ZNF136: variants seen among roughly 807,000 people sequenced by gnomAD.
ZNF136 encodes the protein zinc finger protein 136 (clone pHZ-20).
A neutral mutation model predicts 11.4 loss-of-function variants in ZNF136; 8 were observed. That is an observed-to-expected ratio of 0.70 (90% CI 0.41 to 1.27). The LOEUF (loss-of-function observed/expected upper bound fraction) is 1.27. Ranked by LOEUF, ZNF136 falls within the 50% of genes most tolerant of loss-of-function variation. ZNF136 has a pLI of 0.01. For missense variants in ZNF136, 590 were observed against 656.5 expected, an observed-to-expected ratio of 0.90 and a Z score of 1.11; for synonymous variants, 190 against 207.1, an observed-to-expected ratio of 0.92 and a Z score of 0.71.
At chr19:12,171,458 C>T (rs1220325222) in intron 1 of ZNF136, among the ~76,000 whole-genome samples, 3 of 152,166 alleles carry the variant, frequency 2.0e-5, no homozygotes, top group Non-Finnish European at 4.4e-5. Flanking sequence ...TTGCTTTTTA[C>T]ACTAGGATTG....
intron 1 of ZNF136, among the ~76,000 whole-genome samples, chr19:12,167,921 T>C (rs166601): frequency 0.24 from 36,143 of 152,012 alleles, 6,433 homozygotes; most frequent in African/African-American, 0.5. Context: ...ATCACTGCCT[T>C]GTTAACCACT....
chr19:12,187,926 T>C lies in ZNF136; in HGVS notation c.1548T>C (p.Arg516=). 6.4e-7 allele frequency: 1 copy of C among 1,572,650 alleles called. No individual in the cohort carries two copies. Among genetic ancestry groups the C allele is most frequent in the South Asian group, 1.2e-5 (1 of 82,980 alleles). ...CKECGKAYSC[R]ASFQRHMLTH... is the part of the protein sequence containing the mutation. The stretch of plus-strand genomic sequence containing the variant: ...AATGTGGGAAAGCCTATTCTTGCCG[T>C]GCCAGCTTTCAGAGACACATGTTAA... The change falls in exon 4 of 4, where the codon CGT becomes CGC. Residue 516 remains arginine, a synonymous_variant. Transcript: ENST00000343979.
In ZNF136 at chr19:12,187,894, T is replaced by C; in HGVS notation, c.1516T>C (p.Cys506Arg). 6.3e-7 allele frequency: 1 copy of C among 1,597,746 alleles called. No homozygotes were observed. Among genetic ancestry groups the C allele is most frequent in the Non-Finnish European group, 8.5e-7 (1 of 1,174,880 alleles). The stretch of plus-strand genomic sequence containing the variant: ...TCACACTGGACAGAAACCCTATCAT[T>C]GCAAGGAATGTGGGAAAGCCTATTC... Reference protein sequence around the residue: ...RTHTGQKPYHCKECGKAYSCR... With the variant: ...RTHTGQKPYHRKECGKAYSCR... Residue 506 changes from cysteine to arginine, a missense_variant, in exon 4 of 4, where the codon TGC becomes CGC. Coordinates refer to ENST00000343979, the MANE Select transcript of ZNF136 (RefSeq NM_003437.5).
At position 12,172,788 on chromosome 19, in the gene ZNF136, C is replaced by T. The variant is rs150571706; in HGVS notation, c.3+9582C>T. ...CAGTACTGTGGGAGGCTGAGGCAGGCGGATCACGAGGTCAGGAGATCGAGA... is the reference window on the plus strand; with the variant it reads ...CAGTACTGTGGGAGGCTGAGGCAGGTGGATCACGAGGTCAGGAGATCGAGA... On this transcript the variant is annotated intron_variant, in intron 1 of 3. Coordinates refer to ENST00000343979, the MANE Select transcript of ZNF136 (RefSeq NM_003437.5). 1.7e-3 allele frequency among the ~76,000 whole-genome samples: 252 copies of T among 152,062 alleles called. 3 individuals are homozygous for T. The East Asian group carries it at 0.031, about 19-fold the overall frequency.
chr19:12,165,004 G>C (rs940820448), intron 1 of ZNF136: 9 of 152,138 alleles, frequency 5.9e-5, no homozygotes, highest in African/African-American at 2.2e-4. Context: ...AAACAACTTT[G>C]TATCAGCCCA....
At chr19:12,174,495 G>GT (rs1286911369) in intron 1 of ZNF136, among the ~76,000 whole-genome samples, 2 of 152,066 alleles carry the variant, frequency 1.3e-5, no homozygotes, top group Admixed American at 6.6e-5. Flanking sequence ...TGTCTCTCTG[G>GT]TAATACCATA....
Position 12,180,787 on chromosome 19 carries a change from GGT to G in ZNF136, c.4-4997_4-4996del, listed in dbSNP as rs1255897154. 3.9e-5 allele frequency among the ~76,000 whole-genome samples: 6 copies of G among 152,160 alleles called. No individual in the cohort carries two copies. The East Asian group carries it at 1.2e-3, about 29-fold the overall frequency. ...TATGGCTTATTGTCATTTTTGCATT[GGT>G]TAAAAATTTTAATGCATGTAATATG... On this transcript the variant is annotated intron_variant, in intron 1 of 3. Transcript: ENST00000343979.
In ZNF136 at chr19:12,187,889, A is replaced by G. The variant is rs767062884; in HGVS notation, c.1511A>G (p.Tyr504Cys). 6.9e-6 allele frequency: 11 copies of G among 1,599,084 alleles called. No homozygotes were observed. The highest frequency in any genetic ancestry group is 4.5e-5 in the South Asian group (4 of 88,308). The change falls in exon 4 of 4, where the codon TAT becomes TGT. Residue 504 changes from tyrosine to cysteine, a missense_variant. Tyr to Cys is a radical substitution (Grantham distance 194, BLOSUM62 -2). Transcript: ENST00000343979. ...AGGACTCACACTGGACAGAAACCCT[A>G]TCATTGCAAGGAATGTGGGAAAGCC... ...HERTHTGQKP[Y>C]HCKECGKAYS...
chr19:12,181,475 T>C (rs557780922), intron 1 of ZNF136, among the ~76,000 whole-genome samples: 1 of 149,672 alleles, frequency 6.7e-6, no homozygotes, highest in East Asian at 1.9e-4. Flanking sequence ...TTGCATTTGT[T>C]TTTGTTTTTT....
intron 1 of ZNF136, among the ~76,000 whole-genome samples, chr19:12,172,548 C>T (rs961645152): frequency 7.2e-5 from 11 of 152,098 alleles, no homozygotes; most frequent in South Asian, 6.2e-4. Flanking sequence ...GCCACTAATC[C>T]GGTATCTATT....
At chr19:12,179,511 A>G (rs1947029695) in intron 1 of ZNF136, among the ~76,000 whole-genome samples, 1 of 152,058 alleles carries the variant, frequency 6.6e-6, no homozygotes, top group African/African-American at 2.4e-5. Flanking sequence ...GGGTTCCTCC[A>G]TGTTGGCCAG....
intron 1 of ZNF136, among the ~76,000 whole-genome samples, chr19:12,165,128 C>T (rs1977167881): frequency 6.6e-6 from 1 of 152,156 alleles, no homozygotes; most frequent in Non-Finnish European, 1.5e-5. Flanking sequence ...ATTCTCTCAG[C>T]CTTGTGAAGG....
Position 12,187,317 on chromosome 19 carries a change from TG to T in ZNF136, c.942del (p.Lys315ArgfsTer69), listed in dbSNP as rs771225922. On this transcript the variant is annotated frameshift_variant, in exon 4 of 4. Transcript: ENST00000343979. LOFTEE classifies it low-confidence loss of function (END_TRUNC). ...AGAAACCTTATGAATGCAAGCAGTG[TG>T]GGAAGGCCTTCAGTTATCTCCCCTC... is the stretch of plus-strand genomic sequence containing the variant. ...GEKPYECKQC[G>X]KAFSYLPSLR... The T allele has an allele frequency of 3.7e-6, 6 of 1,613,968 alleles. No homozygotes were observed. The highest frequency in any genetic ancestry group is 2.5e-6 in the Non-Finnish European group (3 of 1,180,010).
chr19:12,187,446 G>A lies in ZNF136; in HGVS notation c.1068G>A (p.Arg356=). ...RSASTFQIHE[R]THTGEKPYEC... is the part of the protein sequence containing the mutation. ...CCAGTACCTTTCAAATACATGAAAG[G>A]ACTCACACTGGAGAAAAACCTTATG... The change falls in exon 4 of 4, where the codon AGG becomes AGA. Residue 356 remains arginine, a synonymous_variant. Transcript: ENST00000343979. The A allele has an allele frequency of 6.2e-7, 1 of 1,613,358 alleles. No individual in the cohort carries two copies. Among genetic ancestry groups the A allele is most frequent in the Non-Finnish European group, 8.5e-7 (1 of 1,179,810 alleles).
intron 1 of ZNF136, among the ~76,000 whole-genome samples, chr19:12,180,964 G>C (rs1255821969): frequency 2.6e-5 from 4 of 152,232 alleles, no homozygotes; most frequent in Non-Finnish European, 5.9e-5. Flanking sequence ...GTTATATCCA[G>C]TTAGGGGTGC....
At chr19:12,169,960 A>G in intron 1 of ZNF136, among the ~76,000 whole-genome samples, 1 of 152,008 alleles carries the variant, frequency 6.6e-6, no homozygotes, top group Admixed American at 6.6e-5. Context: ...ACGTCCGGCT[A>G]ATTTTTTGTA....
intron 1 of ZNF136, chr19:12,163,851 G>C (rs540108515): frequency 5.9e-5 from 9 of 152,344 alleles, no homozygotes; most frequent in African/African-American, 2.2e-4. Context: ...ACACTCCGCT[G>C]TAAGAAACCT....
Position 12,171,524 on chromosome 19 carries a change from TC to T in ZNF136, c.3+8319del, listed in dbSNP as rs1196475780. ...TGTAAAATAGTTTTCAGTCATCTTG[TC>T]ACATTAAAGTCATTTGTATATTTAT... On this transcript the variant is annotated intron_variant, in intron 1 of 3. Transcript: ENST00000343979. 5.9e-5 allele frequency among the ~76,000 whole-genome samples: 9 copies of T among 152,348 alleles called. No individual in the cohort carries two copies. The East Asian group carries it at 1.7e-3, about 29-fold the overall frequency.
At chr19:12,181,562 T>G (rs1914943400) in intron 1 of ZNF136, among the ~76,000 whole-genome samples, 1 of 151,620 alleles carries the variant, frequency 6.6e-6, no homozygotes. Context: ...AATGTCCGCC[T>G]CCTGGATTCA....
Sources: allele counts gnomAD v4.1 joint callset (sites outside exome capture counted in the v4.1 genomes callset), GRCh38; gene constraint gnomAD v4.1.1; transcripts MANE v1.5; gene names NCBI Gene and HGNC (gene_info 2026-07-23, HGNC 2026-07-21).